RGS3: variants seen among roughly 807,000 people sequenced by gnomAD.
RGS3 encodes the protein regulator of G protein signaling 3.
Under a neutral mutation model 132.6 loss-of-function variants are expected in RGS3, and 80 were observed. That is an observed-to-expected ratio of 0.60 (90% CI 0.50 to 0.73). The LOEUF is 0.73. Ranked by LOEUF, RGS3 falls within the 30% of genes least tolerant of loss-of-function variation. The probability of loss-of-function intolerance (pLI) is 0.00; values close to 1 mark genes in which losing one functional copy is unlikely to be tolerated. For synonymous variants in RGS3, 598 were observed against 620.6 expected, an observed-to-expected ratio of 0.96 and a Z score of 0.54; for missense variants, 1,382 against 1,530.8, an observed-to-expected ratio of 0.90 and a Z score of 1.62.
intron 19 of RGS3, among the ~76,000 whole-genome samples, chr9:113,555,455 G>A (rs1833529511): frequency 1.3e-5 from 2 of 151,356 alleles, no homozygotes; most frequent in African/African-American, 2.4e-5. Context: ...CTGGAATTTC[G>A]GTTTCCGGTT....
intron 19 of RGS3, among the ~76,000 whole-genome samples, chr9:113,546,669 C>A (rs1451362084): frequency 6.6e-6 from 1 of 152,156 alleles, no homozygotes; most frequent in African/African-American, 2.4e-5. Context: ...TTTGTGGAGA[C>A]CAGAGCATGG....
rs1270350360 is a variant in RGS3 at position 113,484,050 on chromosome 9, C to G, written c.526-88C>G. On this transcript the variant is annotated intron_variant, in intron 5 of 24. Coordinates refer to ENST00000350696, the Ensembl canonical transcript of RGS3. ...GGCTGACTTGAAGGACCCTGGGAAG[C>G]CTTTAACTTGGAGATGTGCAGAGTC... is the stretch of plus-strand genomic sequence containing the variant. 8.9e-6 allele frequency: 7 copies of G among 782,172 alleles called. No homozygotes were observed. The East Asian group carries it at 1.2e-4, about 14-fold the overall frequency. 48.5% of individuals were successfully genotyped at this position (782,172 alleles called of 1,614,324 possible).
intron 3 of RGS3, among the ~76,000 whole-genome samples, chr9:113,464,170 G>A (rs1316129908): frequency 6.6e-6 from 1 of 152,248 alleles, no homozygotes; most frequent in Non-Finnish European, 1.5e-5. Flanking sequence ...TCAGAGACCT[G>A]GGTTGTCACC....
At chr9:113,485,597 C>T (rs2119233660) in intron 6 of RGS3, 28 bp from the exon 5 acceptor site, 1 of 1,570,736 alleles carries the variant, frequency 6.4e-7, no homozygotes, top group Non-Finnish European at 8.7e-7. Context: ...CCCTTACTAA[C>T]ACTCCGATGG....
chr9:113,565,255 G>A lies in RGS3; in HGVS notation c.2038-18195G>A, dbSNP rs1391810507. On this transcript the variant is annotated intron_variant, in intron 19 of 24. Coordinates refer to ENST00000350696, the Ensembl canonical transcript of RGS3. The surrounding 1 kb of genome is among the most constrained non-coding windows in gnomAD (Gnocchi z 5.7). ...AGGACCCTCTTCTTTGAGACATCCC[G>A]GACTCCATCTCGGATGAAAGTGCTT... 45 of 1,288,650 alleles carry A rather than the reference G, an allele frequency of 3.5e-5. 1 individual carries two copies. The highest frequency in any genetic ancestry group is 3.5e-4 in the South Asian group (28 of 80,944). 79.8% of individuals were successfully genotyped at this position (1,288,650 alleles called of 1,614,324 possible).
intron 7 of RGS3, among the ~76,000 whole-genome samples, chr9:113,487,143 C>T (rs1310529178): frequency 4.5e-5 from 6 of 133,412 alleles, no homozygotes; most frequent in East Asian, 2.2e-4. Flanking sequence ...CTCGCTCTGT[C>T]GCCCAGGCCG....
rs769573268 is a variant in RGS3, at chr9:113,536,755, G to A, written c.1915-41G>A. On this transcript the variant is annotated intron_variant, in intron 18 of 24. Transcript: ENST00000350696. ...GCCTGGGAGCCCCCTGAACCAGGGA[G>A]CAGCCCTGACCGTCCGTTTCTCTAT... 1.4e-5 allele frequency: 23 copies of A among 1,601,450 alleles called. No homozygotes were observed. In the East Asian group the frequency reaches 4.9e-4, roughly 34 times the overall value.
At chr9:113,474,397 C>T (rs1309195383) in intron 3 of RGS3, among the ~76,000 whole-genome samples, 1 of 152,184 alleles carries the variant, frequency 6.6e-6, no homozygotes, top group African/African-American at 2.4e-5. Flanking sequence ...TGTGTGGCTG[C>T]CTGTTTCCCA....
intron 19 of RGS3, among the ~76,000 whole-genome samples, chr9:113,542,879 G>A (rs149397126): frequency 1.3e-5 from 2 of 152,328 alleles, no homozygotes; most frequent in East Asian, 1.9e-4. Flanking sequence ...CTTTCCATGG[G>A]GCTTCCGAGG....
At chr9:113,499,278 C>A (rs1361294277) in intron 10 of RGS3, among the ~76,000 whole-genome samples, 1 of 151,846 alleles carries the variant, frequency 6.6e-6, no homozygotes, top group Non-Finnish European at 1.5e-5. Context: ...ATTCATTAGC[C>A]CCTGTATACC....
chr9:113,543,942 CA>C (rs1371693111), intron 19 of RGS3, among the ~76,000 whole-genome samples: 1 of 152,210 alleles, frequency 6.6e-6, no homozygotes, highest in Admixed American at 6.5e-5. Context: ...ATCGATCGAA[CA>C]ATTAATTTGG....
intron 17 of RGS3, among the ~76,000 whole-genome samples, chr9:113,526,524 C>T (rs1390544939): frequency 6.6e-6 from 1 of 152,114 alleles, no homozygotes; most frequent in Non-Finnish European, 1.5e-5. Flanking sequence ...CAATGTATGC[C>T]CTATTCATGT....
intron 7 of RGS3, among the ~76,000 whole-genome samples, chr9:113,488,392 A>G (rs1387196977): frequency 2.0e-5 from 3 of 152,218 alleles, no homozygotes; most frequent in Non-Finnish European, 2.9e-5. Context: ...GCAGGAAGGC[A>G]GTGGGTGAAA....
intron 1 of RGS3, chr9:113,461,578 A>G (rs1374008799): frequency 3.2e-6 from 3 of 947,890 alleles, no homozygotes; most frequent in East Asian, 2.4e-5. Flanking sequence ...TGGCCTTGCA[A>G]TCTTCCAACT....
chr9:113,563,307 A>G (rs941473056), intron 19 of RGS3, among the ~76,000 whole-genome samples: 6 of 152,094 alleles, frequency 3.9e-5, no homozygotes, highest in African/African-American at 1.2e-4. Context: ...GGCCCTGCCT[A>G]TTGGTTCTCT....
At chr9:113,575,863 C>A (rs545283630) in intron 19 of RGS3, among the ~76,000 whole-genome samples, 1 of 152,272 alleles carries the variant, frequency 6.6e-6, no homozygotes, top group South Asian at 2.1e-4. Flanking sequence ...CCGTTAAGAA[C>A]CAATAGTCTA....
At chr9:113,596,684 C>G in intron 24 of RGS3, 84 bp from the exon 23 acceptor site, 1 of 1,219,492 alleles carries the variant, frequency 8.2e-7, no homozygotes, top group Non-Finnish European at 1.1e-6. Flanking sequence ...AGGTGAGAGG[C>G]TGGATGGGTC....
Position 113,495,715 on chromosome 9 carries a change from A to G in RGS3, c.690-71A>G, listed in dbSNP as rs10981796. Reference sequence around the variant, plus strand: ...ACAGTGCATCAGGCAAACCCATGCTATACTTGATAATGGACCTCCCGATAG... The same window carrying G: ...ACAGTGCATCAGGCAAACCCATGCTGTACTTGATAATGGACCTCCCGATAG... On this transcript the variant is annotated intron_variant, in intron 7 of 24. Coordinates refer to ENST00000350696, the Ensembl canonical transcript of RGS3. The G allele has an allele frequency of 4.7e-4, 590 of 1,246,898 alleles. 5 individuals are homozygous for G. The East Asian group carries it at 0.012, about 25-fold the overall frequency. The allele number at this position is 1,246,898 out of a possible 1,614,324, so 77.2% of individuals were successfully genotyped here.
chr9:113,497,519 C>A, intron 9 of RGS3, 115 bp downstream of exon 7: 1 of 855,492 alleles, frequency 1.2e-6, no homozygotes, highest in Non-Finnish European at 1.8e-6. Context: ...ATGCTATCAG[C>A]CTGCTGGGTG....
Sources: allele counts gnomAD v4.1 joint callset (sites outside exome capture counted in the v4.1 genomes callset), GRCh38; gene constraint gnomAD v4.1.1; non-coding constraint Gnocchi (gnomAD v3.1); transcripts MANE v1.5; gene names NCBI Gene and HGNC (gene_info 2026-07-23, HGNC 2026-07-21).